The following TAX1BP1 variants were observed in gnomAD, a reference collection of about 807,000 sequenced individuals.
TAX1BP1 encodes the protein tax1-binding protein 1.
Under a neutral mutation model 97.7 loss-of-function variants are expected in TAX1BP1, and 62 were observed. The ratio of observed to expected loss-of-function variants is 0.63; its 90% confidence interval spans 0.52 to 0.78. The LOEUF is 0.78. Ranked by LOEUF, TAX1BP1 falls within the 30% of genes least tolerant of loss-of-function variation. The pLI is 0.00. For missense variants in TAX1BP1, 867 were observed against 916.1 expected (o/e 0.95, Z 0.69); for synonymous variants, 340 against 304.2 (o/e 1.12, Z -1.23).
chr7:27,794,312 AT>A lies in TAX1BP1; in HGVS notation c.1411-7del, dbSNP rs781759985. 1 of 1,599,702 alleles carries A rather than the reference AT, an allele frequency of 6.3e-7. No homozygotes were observed. The highest frequency in any genetic ancestry group is 8.5e-7 in the Non-Finnish European group (1 of 1,171,716). On this transcript the variant is annotated splice_polypyrimidine_tract_variant and intron_variant, in intron 10 of 16. Coordinates refer to ENST00000396319, the MANE Select transcript of TAX1BP1 (RefSeq NM_006024.7). Reference sequence around the variant, plus strand: ...TTGACTCATTTAACAACTTATTAACATTTTGAATAGGCTAATAATAATAATG... The same window carrying A: ...TTGACTCATTTAACAACTTATTAACATTTGAATAGGCTAATAATAATAATG...
chr7:27,787,977 A>G (rs959185075), intron 8 of TAX1BP1, among the ~76,000 whole-genome samples: 2 of 152,106 alleles, frequency 1.3e-5, no homozygotes, highest in Non-Finnish European at 2.9e-5. Context: ...GTTCACAATC[A>G]CATTGCCCCA....
At chr7:27,751,762 G>A (rs1788026869) in intron 2 of TAX1BP1, among the ~76,000 whole-genome samples, 1 of 152,108 alleles carries the variant, frequency 6.6e-6, no homozygotes, top group East Asian at 1.9e-4. Flanking sequence ...AAAGTAGTAT[G>A]CTTGAGAAAG....
At chr7:27,814,670 A>G (rs1790695138) in intron 13 of TAX1BP1, among the ~76,000 whole-genome samples, 1 of 152,214 alleles carries the variant, frequency 6.6e-6, no homozygotes, top group African/African-American at 2.4e-5. Context: ...TGCTGTATGT[A>G]GAAATACAAT....
At position 27,792,215 on chromosome 7, in the gene TAX1BP1, T is replaced by C; in HGVS notation, c.1248T>C (p.Ala416=). 1 of 1,609,530 alleles carries C rather than the reference T, an allele frequency of 6.2e-7. No individual in the cohort carries two copies. Among genetic ancestry groups the C allele is most frequent in the Non-Finnish European group, 8.5e-7 (1 of 1,177,830 alleles). Residue 416 remains alanine, a synonymous_variant, in exon 9 of 17, where the codon GCT becomes GCC. Coordinates refer to ENST00000396319, the MANE Select transcript of TAX1BP1 (RefSeq NM_006024.7). ...ADAVAELKLN[A]MKKDQDKTDT... is the part of the protein sequence containing the mutation. ...CAGTGGCAGAACTTAAACTAAATGC[T>C]ATGAAAAAAGATCAGGTAAAACAAG...
chr7:27,741,852 G>T (rs1035575728), intron 1 of TAX1BP1, among the ~76,000 whole-genome samples: 1 of 152,214 alleles, frequency 6.6e-6, no homozygotes, highest in Non-Finnish European at 1.5e-5. Context: ...GTGTTTCTCC[G>T]AGAGGGGGCT....
intron 9 of TAX1BP1, 65 bp downstream of exon 9, chr7:27,792,295 T>G: frequency 7.2e-7 from 1 of 1,382,250 alleles, no homozygotes; most frequent in Admixed American, 2.1e-5. Flanking sequence ...CACAAAGTAG[T>G]AAATTGTGTT....
At chr7:27,758,212 T>C in intron 3 of TAX1BP1, 79 bp downstream of exon 3, 1 of 1,154,208 alleles carries the variant, frequency 8.7e-7, no homozygotes, top group Non-Finnish European at 1.3e-6. Context: ...ATTGTAATGA[T>C]TTGTTCAGGT....
At chr7:27,806,151 G>A (rs1790329147) in intron 13 of TAX1BP1, among the ~76,000 whole-genome samples, 1 of 150,512 alleles carries the variant, frequency 6.6e-6, no homozygotes, top group Non-Finnish European at 1.5e-5. Flanking sequence ...AGTGGCACTA[G>A]CTCGACTCAC....
chr7:27,780,920 A>G (rs183170717), intron 5 of TAX1BP1, among the ~76,000 whole-genome samples: 30 of 152,272 alleles, frequency 2.0e-4, no homozygotes, highest in Admixed American at 1.2e-3. Flanking sequence ...TCATAAGACT[A>G]CATCATTGAG....
chr7:27,748,501 T>C lies in TAX1BP1; in HGVS notation c.-7-17T>C, dbSNP rs896669616. 7 of 1,551,836 alleles carry C rather than the reference T, an allele frequency of 4.5e-6. No homozygotes were observed. Among genetic ancestry groups the C allele is most frequent in the Admixed American group, 1.8e-5 (1 of 55,746 alleles). On this transcript the variant is annotated splice_polypyrimidine_tract_variant and intron_variant, in intron 1 of 16. Coordinates refer to ENST00000396319, the MANE Select transcript of TAX1BP1 (RefSeq NM_006024.7). ...CTTAGTTGGTATAATTTAACTTGTATGAATTACTTGTTTCAGATTCACAAT... is the reference window on the plus strand; with the variant it reads ...CTTAGTTGGTATAATTTAACTTGTACGAATTACTTGTTTCAGATTCACAAT...
chr7:27,805,665 C>T (rs751794022), intron 13 of TAX1BP1, among the ~76,000 whole-genome samples: 3 of 152,022 alleles, frequency 2.0e-5, no homozygotes, highest in South Asian at 2.1e-4. Context: ...GGTGAAACCA[C>T]GTCTCTATTA....
At chr7:27,753,372 T>C (rs920956491) in intron 2 of TAX1BP1, among the ~76,000 whole-genome samples, 16 of 152,352 alleles carry the variant, frequency 1.1e-4, no homozygotes, top group Admixed American at 3.3e-4. Flanking sequence ...TGCAGTAAAA[T>C]ACTATATGTT....
At chr7:27,828,257 C>T (rs1212458262) in intron 16 of TAX1BP1, among the ~76,000 whole-genome samples, 2 of 152,146 alleles carry the variant, frequency 1.3e-5, no homozygotes, top group Non-Finnish European at 1.5e-5. Flanking sequence ...GCTATTAAAC[C>T]AAATGCACTG....
In TAX1BP1 at chr7:27,793,853, A is replaced by G. The variant is rs971122860; in HGVS notation, c.1411-470A>G. ...AACATATTTAAAACCTGAAATTGAA[A>G]GTGGTACTATAGCTCTCTTTTACTA... On this transcript the variant is annotated intron_variant, in intron 10 of 16. Transcript: ENST00000396319. Among the ~76,000 whole-genome samples, 9 of 152,236 alleles carry G rather than the reference A, an allele frequency of 5.9e-5. No individual in the cohort carries two copies. In the South Asian group the frequency reaches 1.9e-3, roughly 32 times the overall value.
intron 13 of TAX1BP1, 108 bp from the exon 14 acceptor site, chr7:27,816,240 AT>A: frequency 1.1e-6 from 1 of 926,110 alleles, no homozygotes; most frequent in Non-Finnish European, 1.5e-6. Flanking sequence ...TTCCAACTTC[AT>A]AATAGGAAAT....
intron 3 of TAX1BP1, among the ~76,000 whole-genome samples, chr7:27,764,403 G>T (rs912038850): frequency 4.6e-5 from 7 of 152,150 alleles, no homozygotes. Flanking sequence ...GTTTTCTCAT[G>T]ATTAGATTGA....
chr7:27,786,969 A>G (rs1789509881), intron 7 of TAX1BP1, among the ~76,000 whole-genome samples: 1 of 152,212 alleles, frequency 6.6e-6, no homozygotes. Flanking sequence ...ATTGAAACTA[A>G]ATGATATCGT....
intron 13 of TAX1BP1, among the ~76,000 whole-genome samples, chr7:27,811,894 A>C (rs1380346542): frequency 1.3e-5 from 2 of 152,152 alleles, no homozygotes; most frequent in African/African-American, 4.8e-5. Flanking sequence ...ACATTAATCT[A>C]CCAGCTGATG....
chr7:27,785,639 G>T lies in TAX1BP1; in HGVS notation c.852+150G>T, dbSNP rs985955449. ...TAGTTGCAGTCAGGATGTTGGCAAG[G>T]GGTGCAGTCAGCTAAGGGCTTGATT... On this transcript the variant is annotated intron_variant, in intron 7 of 16. Transcript: ENST00000396319. The T allele has an allele frequency of 4.7e-5, 31 of 661,020 alleles. No homozygotes were observed. The African/African-American group carries it at 5.1e-4, about 11-fold the overall frequency. 40.9% of individuals were successfully genotyped at this position (661,020 alleles called of 1,614,324 possible).
Sources: allele counts gnomAD v4.1 joint callset (sites outside exome capture counted in the v4.1 genomes callset), GRCh38; gene constraint gnomAD v4.1.1; transcripts MANE v1.5; gene names NCBI Gene and HGNC (gene_info 2026-07-23, HGNC 2026-07-21).